Variants in CD40 observed in about 807,000 individuals in gnomAD.
CD40 encodes tumor necrosis factor receptor superfamily member 5.
A neutral mutation model predicts 38.5 loss-of-function variants in CD40; 19 were observed. The observed-to-expected ratio is 0.49, with a 90% confidence interval of 0.34 to 0.72. CD40 has a LOEUF of 0.72. Among genes scored for constraint, CD40 ranks in the 30% least tolerant of loss-of-function variants. CD40 has a pLI of 0.01. For synonymous variants in CD40, 130 were observed against 128.7 expected, an observed-to-expected ratio of 1.01 and a Z score of -0.07; for missense variants, 256 against 344.1, an observed-to-expected ratio of 0.74 and a Z score of 2.03.
chr20:46,128,855 G>C, intron 8 of CD40, 27 bp from the exon 9 acceptor site: 1 of 1,613,472 alleles, frequency 6.2e-7, no homozygotes, highest in Non-Finnish European at 8.5e-7. Context: ...CTGCTGCTGG[G>C]GGTGACCTCA....
At chr20:46,126,539 G>T in intron 5 of CD40, 101 bp from the exon 6 acceptor site, 1 of 1,397,960 alleles carries the variant, frequency 7.2e-7, no homozygotes, top group Non-Finnish European at 1.0e-6. Flanking sequence ...TTTGTTGATT[G>T]TTGACTGACT....
intron 6 of CD40, 59 bp from the exon 7 acceptor site, chr20:46,128,079 G>T (rs2085471314): frequency 2.5e-6 from 4 of 1,613,882 alleles, no homozygotes; most frequent in South Asian, 2.2e-5. Flanking sequence ...GTCACAGCAG[G>T]TTGAGGGTAG....
rs1174781303 is a variant in CD40, at chr20:46,126,058, C to A, written c.498-582C>A. On this transcript the variant is annotated intron_variant, in intron 5 of 8. Coordinates refer to ENST00000372285, the MANE Select transcript of CD40 (RefSeq NM_001250.6). ...GGAAGAACCTTAAACCAGAGGTTCT[C>A]AACAGGGGGCAGTTTTGCTCCCTGT... is the stretch of plus-strand genomic sequence containing the variant. Among the ~76,000 whole-genome samples the A allele has an allele frequency of 2.0e-5, 3 of 152,194 alleles. No individual in the cohort carries two copies. The East Asian group carries it at 5.8e-4, about 29-fold the overall frequency.
intron 1 of CD40, among the ~76,000 whole-genome samples, chr20:46,120,108 C>A (rs1489660915): frequency 6.6e-6 from 1 of 152,032 alleles, no homozygotes; most frequent in Admixed American, 6.6e-5. Context: ...GCTGAGATAC[C>A]CAGGTTGAAT....
chr20:46,124,100 C>T (rs2085372900), intron 5 of CD40, among the ~76,000 whole-genome samples: 1 of 152,146 alleles, frequency 6.6e-6, no homozygotes, highest in Non-Finnish European at 1.5e-5. Flanking sequence ...GAGTTCAAGA[C>T]CAGCCAGCAC....
intron 1 of CD40, among the ~76,000 whole-genome samples, chr20:46,121,112 A>C (rs1389674589): frequency 6.6e-6 from 1 of 152,222 alleles, no homozygotes; most frequent in African/African-American, 2.4e-5. Context: ...AATTAATAGC[A>C]TGGGTGGTAC....
rs755142543 is a variant in CD40 at position 46,118,321 on chromosome 20, C to T, written c.-23C>T. ...GGCCTCGCTCGGGCGCCCAGTGGTC[C>T]TGCCGCCTGGTCTCACCTCGCTATG... On this transcript the variant is annotated 5_prime_UTR_variant, in exon 1 of 9. Transcript: ENST00000372285. 2 of 1,612,706 alleles carry T rather than the reference C, an allele frequency of 1.2e-6. No individual in the cohort carries two copies. The highest frequency in any genetic ancestry group is 4.5e-5 in the East Asian group (2 of 44,866).
At chr20:46,118,425 G>C (rs752984488) in intron 1 of CD40, 31 bp downstream of exon 1, 5 of 1,554,702 alleles carry the variant, frequency 3.2e-6, no homozygotes, top group Non-Finnish European at 3.5e-6. Flanking sequence ...CCAGACGGGA[G>C]TTGGGAGTGG....
At position 46,122,048 on chromosome 20, in the gene CD40, C is replaced by T; in HGVS notation, c.130+150C>T. 1 of 1,015,684 alleles carries T rather than the reference C, an allele frequency of 9.8e-7. No homozygotes were observed. Among genetic ancestry groups the T allele is most frequent in the South Asian group, 1.3e-5 (1 of 74,880 alleles). 62.9% of individuals were successfully genotyped at this position (1,015,684 alleles called of 1,614,324 possible). A position where few individuals can be genotyped will look rare whatever the true frequency, so the allele number is the denominator to read the frequency against. ...CAGAATGTTCTGGTTCCCTCTCTAC[C>T]AGGTAAAACTCTGTCTACCCTGAAC... On this transcript the variant is annotated intron_variant, in intron 2 of 8. Transcript: ENST00000372285. This position sits in a 1 kb window ranked among gnomAD's most constrained non-coding sequence, Gnocchi z 5.0.
At chr20:46,125,698 A>G (rs1041505583) in intron 5 of CD40, among the ~76,000 whole-genome samples, 1 of 151,744 alleles carries the variant, frequency 6.6e-6, no homozygotes, top group African/African-American at 2.4e-5. Context: ...GGTCTTCATC[A>G]TCTCATATCT....
rs2085346532 is a variant in CD40 at position 46,122,837 on chromosome 20, CTT to C, written c.403+82_403+83del. Reference sequence around the variant, plus strand: ...AAGGTGAGGGGCTGGGCAGTGGGCACTTAGCCCCAGAGGCAGAGGAAGCAGAG... The same window carrying C: ...AAGGTGAGGGGCTGGGCAGTGGGCACAGCCCCAGAGGCAGAGGAAGCAGAG... On this transcript the variant is annotated intron_variant, in intron 4 of 8. Transcript: ENST00000372285. The surrounding 1 kb of genome is among the most constrained non-coding windows in gnomAD (Gnocchi z 5.0). 6.4e-7 allele frequency: 1 copy of C among 1,562,922 alleles called. No homozygotes were observed. Among genetic ancestry groups the C allele is most frequent in the Admixed American group, 1.7e-5 (1 of 57,422 alleles).
chr20:46,128,388 G>GTT (rs1417895783), intron 8 of CD40, 30 bp downstream of exon 8: 13 of 1,609,748 alleles, frequency 8.1e-6, no homozygotes, highest in Non-Finnish European at 1.0e-5. Flanking sequence ...CCGGGACAGA[G>GTT]TTTTGACAAA....
At chr20:46,127,656 T>C (rs558483393) in intron 6 of CD40, among the ~76,000 whole-genome samples, 3 of 152,234 alleles carry the variant, frequency 2.0e-5, no homozygotes, top group African/African-American at 4.8e-5. Context: ...TTTCCCACTT[T>C]GAAAAAAAAA....
chr20:46,118,415 C>A, intron 1 of CD40, 21 bp downstream of exon 1: 1 of 1,612,856 alleles, frequency 6.2e-7, no homozygotes, highest in Non-Finnish European at 8.5e-7. Flanking sequence ...TTTGCCCCGA[C>A]CAGACGGGAG....
intron 5 of CD40, among the ~76,000 whole-genome samples, chr20:46,125,232 C>A (rs1294772583): frequency 6.6e-6 from 1 of 151,842 alleles, no homozygotes; most frequent in Non-Finnish European, 1.5e-5. Context: ...ATTGTAAATT[C>A]CTGAATGCTC....
Position 46,129,463 on chromosome 20 carries a change from T to C in CD40, c.*423T>C, listed in dbSNP as rs987624212. On this transcript the variant is annotated 3_prime_UTR_variant, in exon 9 of 9. Coordinates refer to ENST00000372285, the MANE Select transcript of CD40 (RefSeq NM_001250.6). Reference sequence around the variant, plus strand: ...TGATAGTGAACAACTGGAAGCTGCTTAACTGTCCATCAGCAGGAGACTGGC... The same window carrying C: ...TGATAGTGAACAACTGGAAGCTGCTCAACTGTCCATCAGCAGGAGACTGGC... 4.7e-6 allele frequency: 1 copy of C among 214,420 alleles called. No homozygotes were observed. Among genetic ancestry groups the C allele is most frequent in the African/African-American group, 2.3e-5 (1 of 43,902 alleles). The allele number at this position is 214,420 out of a possible 1,614,324, so 13.3% of individuals were successfully genotyped here.
In CD40 at chr20:46,128,154, G is replaced by C; in HGVS notation, c.576G>C (p.Leu192=). 1 of 1,613,922 alleles carries C rather than the reference G, an allele frequency of 6.2e-7. No homozygotes were observed. Residue 192 remains leucine, a synonymous_variant, in exon 7 of 9, where the codon CTG becomes CTC. Coordinates refer to ENST00000372285, the MANE Select transcript of CD40 (RefSeq NM_001250.6). ...TTTCTCCAGGTCCCCAGGATCGGCT[G>C]AGAGCCCTGGTGGTGATCCCCATCA... The part of the protein sequence containing the change: ...TDVVCGPQDR[L]RALVVIPIIF...
Position 46,128,158 on chromosome 20 carries a change from G to C in CD40, c.580G>C (p.Ala194Pro). The C allele has an allele frequency of 6.2e-7, 1 of 1,613,972 alleles. No individual in the cohort carries two copies. Among genetic ancestry groups the C allele is most frequent in the Non-Finnish European group, 8.5e-7 (1 of 1,180,002 alleles). The change falls in exon 7 of 9, where the codon GCC becomes CCC. Residue 194 changes from alanine to proline, a missense_variant. Ala to Pro is a conservative substitution (Grantham distance 27). Transcript: ENST00000372285. Reference protein sequence around the residue: ...VVCGPQDRLRALVVIPIIFGI... With the variant: ...VVCGPQDRLRPLVVIPIIFGI... ...TCCAGGTCCCCAGGATCGGCTGAGA[G>C]CCCTGGTGGTGATCCCCATCATCTT...
rs2085500307 is a variant in CD40 at position 46,129,028 on chromosome 20, G to A, written c.822G>A (p.Gln274=). 1 of 1,614,060 alleles carries A rather than the reference G, an allele frequency of 6.2e-7. No individual in the cohort carries two copies. The highest frequency in any genetic ancestry group is 1.3e-5 in the African/African-American group (1 of 74,944). The change falls in exon 9 of 9, where the codon CAG becomes CAA. Residue 274 remains glutamine, a synonymous_variant. Transcript: ENST00000372285. ...EDGKESRISV[Q]ERQ is the part of the protein sequence containing the mutation. ...GCAAAGAGAGTCGCATCTCAGTGCA[G>A]GAGAGACAGTGAGGCTGCACCCACC...
Sources: gnomAD v4.1 joint callset for allele counts (sites outside exome capture counted in the v4.1 genomes callset) on GRCh38, gnomAD v4.1.1 for gene constraint, Gnocchi (gnomAD v3.1) non-coding constraint, MANE v1.5 for transcripts, NCBI Gene and HGNC (gene_info 2026-07-23, HGNC 2026-07-21) for gene names.